TASP1: variants seen among roughly 807,000 people sequenced by gnomAD.
TASP1 encodes the protein threonine aspartase 1.
In TASP1, 16 loss-of-function variants were observed where a neutral mutation model predicts 56.6. The observed-to-expected ratio is 0.28, with a 90% CI of 0.19 to 0.43. TASP1 has a LOEUF of 0.43. Among genes scored for constraint, TASP1 ranks in the 20% least tolerant of loss-of-function variants. The pLI, the probability that TASP1 is intolerant of heterozygous loss-of-function variation, is 1.00. For synonymous variants in TASP1, 179 were observed against 184.2 expected, an observed-to-expected ratio of 0.97 and a Z score of 0.23; for missense variants, 393 against 511.6, an observed-to-expected ratio of 0.77 and a Z score of 2.24.
At chr20:13,431,767 G>A (rs1355079411) in intron 12 of TASP1, among the ~76,000 whole-genome samples, 1 of 152,176 alleles carries the variant, frequency 6.6e-6, no homozygotes, top group Non-Finnish European at 1.5e-5. Context: ...CTGCCCTCAT[G>A]AATGGATTAA....
chr20:13,607,753 T>TTA (rs1252803948), intron 4 of TASP1, among the ~76,000 whole-genome samples: 2 of 152,180 alleles, frequency 1.3e-5, no homozygotes, highest in Non-Finnish European at 2.9e-5. Flanking sequence ...CAAAATCATT[T>TTA]TAATTGAGTT....
At chr20:13,637,022 A>G (rs1304295019) in intron 1 of TASP1, among the ~76,000 whole-genome samples, 1 of 152,262 alleles carries the variant, frequency 6.6e-6, no homozygotes, top group Non-Finnish European at 1.5e-5. Context: ...AGGGACTTAC[A>G]TTTAGAATAT....
intron 8 of TASP1, among the ~76,000 whole-genome samples, chr20:13,536,214 T>C (rs1431214615): frequency 6.6e-6 from 1 of 152,108 alleles, no homozygotes; most frequent in African/African-American, 2.4e-5. Context: ...AGACTGTATA[T>C]CTAACAATAT....
chr20:13,581,912 G>A (rs187960488), intron 5 of TASP1, among the ~76,000 whole-genome samples: 2 of 152,092 alleles, frequency 1.3e-5, no homozygotes, highest in Admixed American at 1.3e-4. Context: ...TCACAGCGCT[G>A]AGTTTTAACA....
the TASP1 span, chr20:13,164,799 T>C: frequency 1.2e-6 from 2 of 1,613,832 alleles, no homozygotes; most frequent in South Asian, 1.1e-5. Flanking sequence ...GCAACTGAAA[T>C]ATTCCCGGCA....
chr20:13,501,006 T>C (rs539875850), intron 10 of TASP1, among the ~76,000 whole-genome samples: 34 of 152,062 alleles, frequency 2.2e-4, no homozygotes, highest in African/African-American at 7.7e-4. Context: ...ATACATTACA[T>C]ACAAAGAGAC....
At chr20:13,572,509 C>T (rs1369843062) in intron 6 of TASP1, among the ~76,000 whole-genome samples, 1 of 152,046 alleles carries the variant, frequency 6.6e-6, no homozygotes, top group South Asian at 2.1e-4. Context: ...CATGGTGAAA[C>T]CCTGTCTTTA....
chr20:13,221,711 C>A, the TASP1 span: 9,001 of 1,309,446 alleles, frequency 6.9e-3, 497 homozygotes, highest in African/African-American at 0.12. Context: ...TACTCCTCCT[C>A]CCCCGGCGTC....
At chr20:13,157,328 T>C in the TASP1 span, among the ~76,000 whole-genome samples, 1 of 151,594 alleles carries the variant, frequency 6.6e-6, no homozygotes, top group African/African-American at 2.4e-5. Context: ...TCTCAGCTAC[T>C]TGGGAGATTG....
intron 12 of TASP1, among the ~76,000 whole-genome samples, chr20:13,423,028 C>T (rs775731380): frequency 7.2e-5 from 11 of 152,106 alleles, no homozygotes; most frequent in Non-Finnish European, 1.5e-4. Context: ...ATATTTATTC[C>T]ACAGATATGC....
intron 13 of TASP1, among the ~76,000 whole-genome samples, chr20:13,400,171 G>A (rs147720063): frequency 4.6e-5 from 7 of 152,208 alleles, no homozygotes; most frequent in Non-Finnish European, 7.4e-5. Context: ...GATTCTTGTC[G>A]CTTGGTTCAC....
chr20:13,450,814 C>T (rs546617238), intron 11 of TASP1, among the ~76,000 whole-genome samples: 1 of 152,156 alleles, frequency 6.6e-6, no homozygotes, highest in Admixed American at 6.5e-5. Context: ...TTCCCAATGG[C>T]ATCTAGAAGG....
the TASP1 span, among the ~76,000 whole-genome samples, chr20:13,132,388 G>A: frequency 1.3e-5 from 2 of 151,918 alleles, no homozygotes; most frequent in East Asian, 1.9e-4. Flanking sequence ...TGTTGGCCGG[G>A]CTGATCTTGA....
chr20:13,311,166 C>G, the TASP1 span, among the ~76,000 whole-genome samples: 1 of 151,394 alleles, frequency 6.6e-6, no homozygotes, highest in South Asian at 2.1e-4. Context: ...TGCACTCCAG[C>G]CTGGGCAACA....
intron 4 of TASP1, among the ~76,000 whole-genome samples, chr20:13,596,955 C>T (rs185788378): frequency 6.6e-6 from 1 of 152,150 alleles, no homozygotes; most frequent in Non-Finnish European, 1.5e-5. Context: ...AATTCCTGGA[C>T]ACACATACCC....
chr20:13,588,646 T>C (rs1261130093), intron 4 of TASP1, among the ~76,000 whole-genome samples: 13 of 152,108 alleles, frequency 8.5e-5, no homozygotes, highest in Admixed American at 8.5e-4. Context: ...TAAAACACAT[T>C]GAAAAAATTT....
chr20:13,393,852 T>C (rs1034523554), intron 13 of TASP1, among the ~76,000 whole-genome samples: 2 of 150,172 alleles, frequency 1.3e-5, no homozygotes, highest in Non-Finnish European at 3.0e-5. Context: ...TTGTATACCA[T>C]GAATAAAGTC....
chr20:13,418,921 C>T (rs956427547), intron 12 of TASP1, among the ~76,000 whole-genome samples: 7 of 152,218 alleles, frequency 4.6e-5, no homozygotes, highest in Non-Finnish European at 8.8e-5. Context: ...TTCAAAAATG[C>T]CAAAGTCAGA....
chr20:13,189,949 A>T, the TASP1 span, among the ~76,000 whole-genome samples: 3 of 152,214 alleles, frequency 2.0e-5, no homozygotes, highest in Non-Finnish European at 4.4e-5. Context: ...TTACATATAC[A>T]CCATGCAATA....
Sources: allele counts gnomAD v4.1 joint callset (sites outside exome capture counted in the v4.1 genomes callset), GRCh38; gene constraint gnomAD v4.1.1; transcripts MANE v1.5; gene names NCBI Gene and HGNC (gene_info 2026-07-23, HGNC 2026-07-21).